RPSA2: variants seen among roughly 807,000 people sequenced by gnomAD.
RPSA2 encodes small ribosomal subunit protein uS2B.
At chr19:23,840,989 CA>C in the RPSA2 span, among the ~76,000 whole-genome samples, 3 of 143,000 alleles carry the variant, frequency 2.1e-5, no homozygotes, top group Non-Finnish European at 4.6e-5. Context: ...AAAAAAAAGA[CA>C]AAACATGGAC....
At chr19:23,845,170 G>A in the RPSA2 span, among the ~76,000 whole-genome samples, 3 of 6,376 alleles carry the variant, frequency 4.7e-4, no homozygotes, top group Non-Finnish European at 1.5e-3. Context: ...GGTTAATCTA[G>A]CTGGCAATTT....
At chr19:23,827,378 G>A in the RPSA2 span, 17 of 1,513,612 alleles carry the variant, frequency 1.1e-5, no homozygotes, top group Non-Finnish European at 1.5e-5. Flanking sequence ...AAACCCTGCT[G>A]ATGTCAGTGT....
chr19:23,828,323 C>CT, the RPSA2 span, among the ~76,000 whole-genome samples: 511 of 124,278 alleles, frequency 4.1e-3, no homozygotes, highest in African/African-American at 0.011. Context: ...TTCTTTCTTT[C>CT]TTTTTTTTTT....
At chr19:23,851,107 C>CCTGA in the RPSA2 span, among the ~76,000 whole-genome samples, 1 of 152,172 alleles carries the variant, frequency 6.6e-6, no homozygotes, top group African/African-American at 2.4e-5. Flanking sequence ...TCCTGTTTGG[C>CCTGA]AAGTAGCCCA....
the RPSA2 span, among the ~76,000 whole-genome samples, chr19:23,814,342 T>C: frequency 1.3e-5 from 2 of 152,192 alleles, no homozygotes; most frequent in African/African-American, 4.8e-5. Flanking sequence ...GTATGGATAT[T>C]CAGTTTTAAA....
chr19:23,761,529 CCT>C, the RPSA2 span, among the ~76,000 whole-genome samples: 1 of 152,152 alleles, frequency 6.6e-6, no homozygotes, highest in Non-Finnish European at 1.5e-5. Context: ...AAGGTTGTGT[CCT>C]CTGTGTCCCC....
At chr19:23,764,541 A>G in the RPSA2 span, among the ~76,000 whole-genome samples, 2 of 152,152 alleles carry the variant, frequency 1.3e-5, no homozygotes, top group Admixed American at 1.3e-4. Context: ...GTGCAATGGC[A>G]TGATCTCAGC....
chr19:23,759,811 C>T, the RPSA2 span, among the ~76,000 whole-genome samples: 309 of 152,086 alleles, frequency 2.0e-3, 1 homozygote, highest in African/African-American at 6.8e-3. Context: ...TGTGAGCCAC[C>T]GCGCCCGGCC....
chr19:23,821,664 T>C, the RPSA2 span, among the ~76,000 whole-genome samples: 54 of 152,354 alleles, frequency 3.5e-4, no homozygotes, highest in African/African-American at 1.2e-3. Context: ...CTTTGTTTCA[T>C]AGCCTTTGCC....
chr19:23,840,620 T>A, the RPSA2 span, among the ~76,000 whole-genome samples: 1 of 152,168 alleles, frequency 6.6e-6, no homozygotes. Flanking sequence ...AAATGTGCCT[T>A]CTAGAATGCT....
chr19:23,870,143 G>T, the RPSA2 span, among the ~76,000 whole-genome samples: 2 of 152,166 alleles, frequency 1.3e-5, no homozygotes, highest in African/African-American at 2.4e-5. Context: ...CATGCCTGTA[G>T]AGCCTCAGGC....
At chr19:23,833,390 C>A in the RPSA2 span, 1 of 188,950 alleles carries the variant, frequency 5.3e-6, no homozygotes. Flanking sequence ...ACTTTGCAAA[C>A]CTGAAAGATG....
chr19:23,827,717 C>G, the RPSA2 span: 23 of 1,580,996 alleles, frequency 1.5e-5, no homozygotes, highest in Non-Finnish European at 2.0e-5. Context: ...TCTGCGCATG[C>G]GTGGCACCAT....
At chr19:23,832,735 GA>G in the RPSA2 span, 1 of 1,547,562 alleles carries the variant, frequency 6.5e-7, no homozygotes, top group Non-Finnish European at 8.8e-7. Flanking sequence ...TGAAGAATAT[GA>G]AAAAGCTTTT....
chr19:23,811,350 C>T, the RPSA2 span, among the ~76,000 whole-genome samples: 2,359 of 152,194 alleles, frequency 0.015, 78 homozygotes, highest in African/African-American at 0.053. Flanking sequence ...GGTCTTGTTA[C>T]ATAACCCAGG....
the RPSA2 span, among the ~76,000 whole-genome samples, chr19:23,829,669 A>G: frequency 6.6e-6 from 1 of 152,228 alleles, no homozygotes; most frequent in Non-Finnish European, 1.5e-5. Flanking sequence ...AAAAGATACA[A>G]CAATACATTT....
chr19:23,761,052 G>GTA, the RPSA2 span, among the ~76,000 whole-genome samples: 88,847 of 147,830 alleles, frequency 0.6, 27,517 homozygotes, highest in Middle Eastern at 0.69. Flanking sequence ...GTATATATGT[G>GTA]TATATATATA....
chr19:23,784,731 G>A, the RPSA2 span, among the ~76,000 whole-genome samples: 1 of 152,142 alleles, frequency 6.6e-6, no homozygotes, highest in Non-Finnish European at 1.5e-5. Context: ...CACTGTTGAG[G>A]TTCTGAATCT....
the RPSA2 span, chr19:23,827,936 A>G: frequency 2.2e-6 from 2 of 891,266 alleles, no homozygotes; most frequent in African/African-American, 1.6e-5. Context: ...CTCTGTGCCT[A>G]TTCAGCAATT....
Sources: gnomAD v4.1 joint callset for allele counts (sites outside exome capture counted in the v4.1 genomes callset) on GRCh38, gnomAD v4.1.1 for gene constraint, MANE v1.5 for transcripts, NCBI Gene and HGNC (gene_info 2026-07-23, HGNC 2026-07-21) for gene names.